Variants in DCC observed in about 807,000 individuals in gnomAD.
DCC encodes the protein DCC netrin 1 receptor.
DCC carries 58 observed loss-of-function variants against 172.5 expected under a neutral mutation model. The observed-to-expected ratio is 0.34, with a 90% CI of 0.27 to 0.42. The LOEUF (loss-of-function observed/expected upper bound fraction) is 0.42. DCC is among the 10% of genes least tolerant of loss of function. DCC has a pLI of 1.00. For missense variants in DCC, 1,740 were observed against 1,791.0 expected, an observed-to-expected ratio of 0.97 and a Z score of 0.51; for synonymous variants, 709 against 644.5, an observed-to-expected ratio of 1.10 and a Z score of -1.52.
At chr18:53,074,612 T>C (rs1290932492) in intron 7 of DCC, among the ~76,000 whole-genome samples, 1 of 152,146 alleles carries the variant, frequency 6.6e-6, no homozygotes, top group Non-Finnish European at 1.5e-5. Context: ...AATAGTAATG[T>C]ATTTTTTTTT....
At chr18:53,197,589 A>T (rs1598896805) in intron 9 of DCC, among the ~76,000 whole-genome samples, 1 of 152,024 alleles carries the variant, frequency 6.6e-6, no homozygotes, top group Admixed American at 6.6e-5. Context: ...GCTGAGAAAC[A>T]TCAGTATAAT....
At chr18:52,662,010 A>C (rs1418104413) in intron 1 of DCC, among the ~76,000 whole-genome samples, 2 of 152,238 alleles carry the variant, frequency 1.3e-5, no homozygotes, top group Admixed American at 6.5e-5. Flanking sequence ...CATTGAGGAA[A>C]TATCTCACAA....
chr18:52,924,004 A>G (rs2040163299), intron 4 of DCC, 147 bp downstream of exon 4: 2 of 693,718 alleles, frequency 2.9e-6, no homozygotes, highest in Non-Finnish European at 5.1e-6. Flanking sequence ...GGCATGATAC[A>G]GTTATATGAA....
Position 52,816,698 on chromosome 18 carries a change from T to C in DCC, c.412+64324T>C, listed in dbSNP as rs550902896. Reference sequence around the variant, plus strand: ...ATGGCAGTTTATAACTCAAAGTATATGGATGGATGACACTCGCTAGAGAGT... The same window carrying C: ...ATGGCAGTTTATAACTCAAAGTATACGGATGGATGACACTCGCTAGAGAGT... On this transcript the variant is annotated intron_variant, in intron 2 of 28. Coordinates refer to ENST00000442544, the MANE Select transcript of DCC (RefSeq NM_005215.4). The C allele has an allele frequency of 7.2e-5, 11 of 152,226 alleles. No individual in the cohort carries two copies. In the South Asian group the frequency reaches 2.3e-3, roughly 32 times the overall value. The allele number at this position is 152,226 out of a possible 1,614,324, so 9.4% of individuals were successfully genotyped here.
intron 2 of DCC, among the ~76,000 whole-genome samples, chr18:52,761,908 C>CAAAAAAAAAAAAAAAAAA (rs1222086354): frequency 1.9e-4 from 9 of 48,340 alleles, no homozygotes; most frequent in African/African-American, 3.0e-4. Flanking sequence ...GACTCTGTCT[C>CAAAAAAAAAAAAAAAAAA]AAAAAAAAAA....
At chr18:53,032,946 G>A (rs758640818) in intron 5 of DCC, among the ~76,000 whole-genome samples, 2 of 152,102 alleles carry the variant, frequency 1.3e-5, no homozygotes, top group Admixed American at 6.6e-5. Flanking sequence ...CTTTAAAAGC[G>A]TAATGGCATA....
At chr18:52,700,365 A>G (rs12607594) in intron 1 of DCC, among the ~76,000 whole-genome samples, 103,711 of 149,032 alleles carry the variant, frequency 0.7, 36,216 homozygotes, top group African/African-American at 0.8. Flanking sequence ...ATGCACACAC[A>G]CACATGCACA....
At chr18:52,939,239 T>C (rs2040425681) in intron 5 of DCC, among the ~76,000 whole-genome samples, 1 of 152,188 alleles carries the variant, frequency 6.6e-6, no homozygotes, top group African/African-American at 2.4e-5. Flanking sequence ...TAGAATTCTC[T>C]TCTCTCAGCT....
intron 5 of DCC, among the ~76,000 whole-genome samples, chr18:52,952,346 CAT>C (rs1284772029): frequency 1.3e-5 from 2 of 152,196 alleles, no homozygotes; most frequent in African/African-American, 2.4e-5. Context: ...GTCTTCCTCT[CAT>C]ATGCACATCA....
chr18:52,828,753 C>G (rs1458637143), intron 2 of DCC, among the ~76,000 whole-genome samples: 3 of 152,062 alleles, frequency 2.0e-5, no homozygotes, highest in Non-Finnish European at 2.9e-5. Flanking sequence ...GCAATGACAT[C>G]TTTTGGTTTG....
intron 15 of DCC, among the ~76,000 whole-genome samples, chr18:53,363,249 G>A (rs1021423378): frequency 6.6e-6 from 1 of 152,108 alleles, no homozygotes; most frequent in African/African-American, 2.4e-5. Flanking sequence ...CTAGCAAGTG[G>A]AGCCAATTCT....
intron 11 of DCC, 37 bp downstream of exon 11, chr18:53,207,854 G>C: frequency 6.4e-7 from 1 of 1,555,170 alleles, no homozygotes; most frequent in Non-Finnish European, 8.9e-7. Flanking sequence ...TTACATATTT[G>C]ACATAATATT....
At chr18:53,195,206 A>T (rs887393745) in intron 9 of DCC, among the ~76,000 whole-genome samples, 3 of 152,178 alleles carry the variant, frequency 2.0e-5, no homozygotes, top group South Asian at 2.1e-4. Flanking sequence ...AATGTTTTTT[A>T]AAAAAGCACT....
intron 8 of DCC, among the ~76,000 whole-genome samples, chr18:53,163,707 G>T (rs1176990458): frequency 6.6e-6 from 1 of 152,106 alleles, no homozygotes; most frequent in Non-Finnish European, 1.5e-5. Context: ...AAACATGAAA[G>T]CTAGAATTCA....
chr18:52,474,962 T>A (rs1411858353), intron 1 of DCC, among the ~76,000 whole-genome samples: 1 of 152,190 alleles, frequency 6.6e-6, no homozygotes, highest in Non-Finnish European at 1.5e-5. Context: ...AGTAAATCAC[T>A]CCTCTGATAT....
At chr18:53,298,268 G>A (rs1240169252) in intron 12 of DCC, among the ~76,000 whole-genome samples, 2 of 151,932 alleles carry the variant, frequency 1.3e-5, no homozygotes, top group Non-Finnish European at 2.9e-5. Context: ...TGGGGATGGT[G>A]GCTCACTCCT....
intron 15 of DCC, among the ~76,000 whole-genome samples, chr18:53,340,540 A>AT (rs2057647434): frequency 6.6e-6 from 1 of 152,056 alleles, no homozygotes; most frequent in African/African-American, 2.4e-5. Context: ...ACTCAACCTC[A>AT]TTTTTTACTG....
chr18:53,323,981 G>A (rs759465426), intron 14 of DCC, among the ~76,000 whole-genome samples: 1 of 152,146 alleles, frequency 6.6e-6, no homozygotes, highest in Non-Finnish European at 1.5e-5. Flanking sequence ...TTTAAACATT[G>A]TCTAAGGATG....
chr18:52,690,047 A>G (rs1229731605), intron 1 of DCC, among the ~76,000 whole-genome samples: 1 of 152,180 alleles, frequency 6.6e-6, no homozygotes, highest in Non-Finnish European at 1.5e-5. Context: ...AAGAAGATCC[A>G]CAAGCTCAGT....
Sources: allele counts gnomAD v4.1 joint callset (sites outside exome capture counted in the v4.1 genomes callset), GRCh38; gene constraint gnomAD v4.1.1; transcripts MANE v1.5; gene names NCBI Gene and HGNC (gene_info 2026-07-23, HGNC 2026-07-21).